The following RNF11 variants were observed in gnomAD, a reference collection of about 807,000 sequenced individuals.
RNF11 encodes ring finger protein 11.
A neutral mutation model predicts 15.8 loss-of-function variants in RNF11; 4 were observed. The observed-to-expected ratio is 0.25, with a 90% CI of 0.12 to 0.58. The LOEUF is 0.58. RNF11 is among the 20% of genes least tolerant of loss of function. RNF11 has a pLI of 0.91. For missense variants in RNF11, 139 were observed against 194.4 expected (o/e 0.71, Z 1.70); for synonymous variants, 68 against 72.3 (o/e 0.94, Z 0.30).
Position 51,236,708 on chromosome 1 carries a change from C to G in RNF11, c.-49C>G, listed in dbSNP as rs1235921543. 3.1e-6 allele frequency: 5 copies of G among 1,605,362 alleles called. No homozygotes were observed. Among genetic ancestry groups the G allele is most frequent in the South Asian group, 2.2e-5 (2 of 90,180 alleles). On this transcript the variant is annotated 5_prime_UTR_variant, in exon 1 of 3. Transcript: ENST00000242719. ...GCGGACCGCGGAGTGTGCGAACGAC[C>G]CCACCGCTGCTTTCTCCTCCCCCAG... is the stretch of plus-strand genomic sequence containing the variant.
At position 51,273,156 on chromosome 1, in the gene RNF11, T is replaced by C. The variant is rs1361196725; in HGVS notation, c.*1834T>C. 1 of 152,210 alleles carries C rather than the reference T, an allele frequency of 6.6e-6. No homozygotes were observed. Among genetic ancestry groups the C allele is most frequent in the Non-Finnish European group, 1.5e-5 (1 of 68,002 alleles). The allele number at this position is 152,210 out of a possible 1,614,324, so 9.4% of individuals were successfully genotyped here. On this transcript the variant is annotated 3_prime_UTR_variant, in exon 3 of 3. Transcript: ENST00000242719. ...GATAATTGCTTTTTTTATTCTTGTG[T>C]TTTCTACTTAAACATAATGTCTGTG...
chr1:51,258,185 C>T (rs1002292296), intron 1 of RNF11, among the ~76,000 whole-genome samples: 1 of 152,080 alleles, frequency 6.6e-6, no homozygotes, highest in Non-Finnish European at 1.5e-5. Context: ...CAGTGATAAT[C>T]GGAATGGCAC....
chr1:51,271,328 G>A lies in RNF11; in HGVS notation c.*6G>A, dbSNP rs1268065026. The A allele has an allele frequency of 3.1e-6, 5 of 1,606,020 alleles. No homozygotes were observed. Among genetic ancestry groups the A allele is most frequent in the Non-Finnish European group, 4.3e-6 (5 of 1,174,762 alleles). On this transcript the variant is annotated 3_prime_UTR_variant, in exon 3 of 3. Coordinates refer to ENST00000242719, the MANE Select transcript of RNF11 (RefSeq NM_014372.5). ...CATCCTATGAGACTAATTGAGCCAG[G>A]GTCTCTTATCTGACTTCAAGTGAAC...
chr1:51,243,428 A>ATTG (rs925827769), intron 1 of RNF11, among the ~76,000 whole-genome samples: 1 of 151,718 alleles, frequency 6.6e-6, no homozygotes, highest in Non-Finnish European at 1.5e-5. Context: ...ATCCTTAATG[A>ATTG]TTGTTATTAT....
chr1:51,269,882 A>T lies in RNF11; in HGVS notation c.124-74A>T, dbSNP rs199740138. 3.7e-6 allele frequency: 5 copies of T among 1,338,284 alleles called. No homozygotes were observed. In the African/African-American group the frequency reaches 7.4e-5, roughly 20 times the overall value. The allele number at this position is 1,338,284 out of a possible 1,614,324, so 82.9% of individuals were successfully genotyped here. A position where few individuals can be genotyped will look rare whatever the true frequency, so the allele number is the denominator to read the frequency against. The stretch of plus-strand genomic sequence containing the variant: ...CCTCCCAGGGCTCCCTTTCCCTTCT[A>T]TCTCTGACCAAAAAATAAGCCCTCG... On this transcript the variant is annotated intron_variant, in intron 1 of 2. Coordinates refer to ENST00000242719, the MANE Select transcript of RNF11 (RefSeq NM_014372.5).
chr1:51,240,399 T>TG (rs1646823155), intron 1 of RNF11, among the ~76,000 whole-genome samples: 1 of 152,186 alleles, frequency 6.6e-6, no homozygotes, highest in African/African-American at 2.4e-5. Flanking sequence ...CCACCCTGTT[T>TG]GAAAGTGCAA....
chr1:51,251,914 A>G (rs1646879766), intron 1 of RNF11, among the ~76,000 whole-genome samples: 1 of 152,082 alleles, frequency 6.6e-6, no homozygotes, highest in South Asian at 2.1e-4. Flanking sequence ...CCCTGTTTCT[A>G]CTAAAAATAT....
At chr1:51,246,691 C>G (rs1193703573) in intron 1 of RNF11, among the ~76,000 whole-genome samples, 1 of 152,124 alleles carries the variant, frequency 6.6e-6, no homozygotes, top group Non-Finnish European at 1.5e-5. Flanking sequence ...ACTCCCATTT[C>G]TACAAGAAAA....
chr1:51,236,988 G>A lies in RNF11; in HGVS notation c.123+109G>A. 3 of 1,397,548 alleles carry A rather than the reference G, an allele frequency of 2.1e-6. No individual in the cohort carries two copies. In the South Asian group the frequency reaches 4.2e-5, roughly 20 times the overall value. 86.6% of individuals were successfully genotyped at this position (1,397,548 alleles called of 1,614,324 possible). On this transcript the variant is annotated intron_variant, in intron 1 of 2. Transcript: ENST00000242719. ...GGCTTCGGCAAGGCCTGGCCTGGGC[G>A]GCATTGACCCCTTAGGGCTGGATCT...
chr1:51,246,864 G>C (rs1304764746), intron 1 of RNF11, among the ~76,000 whole-genome samples: 1 of 151,806 alleles, frequency 6.6e-6, no homozygotes, highest in Non-Finnish European at 1.5e-5. Flanking sequence ...TGTGGTCCCA[G>C]TTAATCAGGA....
At chr1:51,241,360 C>T (rs1421110828) in intron 1 of RNF11, among the ~76,000 whole-genome samples, 1 of 152,176 alleles carries the variant, frequency 6.6e-6, no homozygotes, top group Non-Finnish European at 1.5e-5. Context: ...ATTGCAGCCT[C>T]CACTTCCTGG....
chr1:51,247,388 C>T (rs1646857176), intron 1 of RNF11, among the ~76,000 whole-genome samples: 1 of 151,762 alleles, frequency 6.6e-6, no homozygotes, highest in South Asian at 2.1e-4. Context: ...GTCAAAGTGT[C>T]TGGGTTTTTT....
intron 1 of RNF11, among the ~76,000 whole-genome samples, chr1:51,241,814 G>A (rs1646830497): frequency 6.6e-6 from 1 of 152,182 alleles, no homozygotes; most frequent in South Asian, 2.1e-4. Context: ...AAGAAGGGAG[G>A]TCCATGAGAG....
chr1:51,271,309 A>T lies in RNF11; in HGVS notation c.452A>T (p.Tyr151Phe), dbSNP rs1275931203. ...EPVDAALLSS[Y>F]ETN ...GTTGATGCAGCACTGCTTTCATCCT[A>T]TGAGACTAATTGAGCCAGGGTCTCT... The change falls in exon 3 of 3, where the codon TAT becomes TTT. Residue 151 changes from tyrosine to phenylalanine, a missense_variant. Tyr to Phe is a conservative substitution (Grantham distance 22). Coordinates refer to ENST00000242719, the MANE Select transcript of RNF11 (RefSeq NM_014372.5). The T allele has an allele frequency of 6.2e-7, 1 of 1,612,262 alleles. No homozygotes were observed. Among genetic ancestry groups the T allele is most frequent in the Non-Finnish European group, 8.5e-7 (1 of 1,178,918 alleles).
At chr1:51,243,826 CT>C (rs1179603065) in intron 1 of RNF11, among the ~76,000 whole-genome samples, 1 of 152,184 alleles carries the variant, frequency 6.6e-6, no homozygotes, top group Non-Finnish European at 1.5e-5. Flanking sequence ...ACTTTTTCAG[CT>C]CTTCATAGCC....
chr1:51,264,317 T>TATATATATATATATATATATAC, intron 1 of RNF11, among the ~76,000 whole-genome samples: 1 of 75,528 alleles, frequency 1.3e-5, no homozygotes, highest in Admixed American at 1.6e-4. Flanking sequence ...TATATATATA[T>TATATATATATATATATATATAC]ACACACACAC....
chr1:51,258,567 A>G (rs190144966), intron 1 of RNF11, among the ~76,000 whole-genome samples: 1 of 152,356 alleles, frequency 6.6e-6, no homozygotes, highest in Non-Finnish European at 1.5e-5. Context: ...TGGGTCTTCT[A>G]AAAATGTTTC....
chr1:51,249,332 G>A (rs948643774), intron 1 of RNF11, among the ~76,000 whole-genome samples: 4 of 152,194 alleles, frequency 2.6e-5, no homozygotes, highest in African/African-American at 9.7e-5. Flanking sequence ...TTGGGCTCAA[G>A]TGATCTTCCT....
chr1:51,241,872 G>T (rs1312541092), intron 1 of RNF11, among the ~76,000 whole-genome samples: 1 of 152,172 alleles, frequency 6.6e-6, no homozygotes, highest in Non-Finnish European at 1.5e-5. Context: ...ATGTAAAACA[G>T]CTTGAGGTAC....
Sources: allele counts gnomAD v4.1 joint callset (sites outside exome capture counted in the v4.1 genomes callset), GRCh38; gene constraint gnomAD v4.1.1; transcripts MANE v1.5; gene names NCBI Gene and HGNC (gene_info 2026-07-23, HGNC 2026-07-21).